SNAP91: variants seen among roughly 807,000 people sequenced by gnomAD.
SNAP91 encodes synaptosome associated protein 91.
SNAP91 carries 27 observed loss-of-function variants against 100.3 expected under a neutral mutation model. The observed-to-expected ratio is 0.27, with a 90% CI of 0.20 to 0.37. SNAP91 has a LOEUF of 0.37. Ranked by LOEUF, SNAP91 falls within the 10% of genes least tolerant of loss-of-function variation. The pLI is 1.00. For missense variants in SNAP91, 986 were observed against 1,123.7 expected (o/e 0.88, Z 1.75); for synonymous variants, 404 against 398.6 (o/e 1.01, Z -0.16).
chr6:83,679,683 C>T (rs1434106703), intron 2 of SNAP91, among the ~76,000 whole-genome samples: 1 of 152,152 alleles, frequency 6.6e-6, no homozygotes, highest in Admixed American at 6.6e-5. Context: ...GAGGAAAGAT[C>T]TTTCTGACAC....
intron 2 of SNAP91, among the ~76,000 whole-genome samples, chr6:83,673,774 C>A (rs190383235): frequency 1.1e-3 from 174 of 152,334 alleles, no homozygotes; most frequent in African/African-American, 4.0e-3. Flanking sequence ...CCCTTCTCTG[C>A]CCATCAGAAA....
intron 26 of SNAP91, among the ~76,000 whole-genome samples, chr6:83,562,500 A>G (rs756739292): frequency 6.6e-6 from 1 of 152,208 alleles, no homozygotes; most frequent in Non-Finnish European, 1.5e-5. Context: ...TAATTTTCTC[A>G]TATCAGAAGC....
At position 83,573,622 on chromosome 6, in the gene SNAP91, G is replaced by A. The variant is rs564647864; in HGVS notation, c.2442+1388C>T. 9.6e-4 allele frequency among the ~76,000 whole-genome samples: 146 copies of A among 151,910 alleles called. 1 individual carries two copies. The highest frequency in any genetic ancestry group is 2.0e-3 in the African/African-American group (82 of 41,520). On this transcript the variant is annotated intron_variant, in intron 26 of 29. Transcript: ENST00000369694. ...AACAGAGATATAGACCAATGGAACA[G>A]AACAGAGCCCTCAGAACTAATGCCA...
intron 2 of SNAP91, among the ~76,000 whole-genome samples, chr6:83,682,723 T>C (rs1227957530): frequency 4.7e-5 from 7 of 148,560 alleles, no homozygotes; most frequent in African/African-American, 1.7e-4. Flanking sequence ...CCTAATGGTA[T>C]CCCTCCGCCC....
chr6:83,602,674 G>A (rs1400514728), intron 14 of SNAP91, among the ~76,000 whole-genome samples: 1 of 151,968 alleles, frequency 6.6e-6, no homozygotes, highest in Non-Finnish European at 1.5e-5. Context: ...ATTTTGCTTA[G>A]AAATTAGAGA....
chr6:83,676,236 A>G (rs2098892441), intron 2 of SNAP91, among the ~76,000 whole-genome samples: 1 of 152,190 alleles, frequency 6.6e-6, no homozygotes. Flanking sequence ...AATAGCAGTG[A>G]ACAAAACAGA....
Position 83,593,000 on chromosome 6 carries a change from G to A in SNAP91, c.1792C>T (p.Pro598Ser). Residue 598 changes from proline to serine, a missense_variant, in exon 20 of 30, where the codon CCA becomes TCA. Pro to Ser is a moderately conservative substitution (Grantham distance 74, BLOSUM62 -1). Around this residue, in one of 4 missense-constraint regions of SNAP91, gnomAD observed 575 missense variants for 579.9 expected, o/e 0.99. Transcript: ENST00000369694. ...TCAGGCACAGGAGAGGCCCCTTGTG[G>A]TGGAGAGGAGAAAGCATCTTCCAAA... ...LFSTDAFSSP[P>S]QGASPVPESS... 6.3e-7 allele frequency: 1 copy of A among 1,583,332 alleles called. No homozygotes were observed. Among genetic ancestry groups the A allele is most frequent in the South Asian group, 1.2e-5 (1 of 86,074 alleles).
chr6:83,640,476 C>T (rs898233343), intron 8 of SNAP91, among the ~76,000 whole-genome samples: 4 of 151,998 alleles, frequency 2.6e-5, no homozygotes, highest in Non-Finnish European at 4.4e-5. Flanking sequence ...TTATAATTTC[C>T]AATATCAGCA....
chr6:83,561,390 T>C (rs761834095), intron 26 of SNAP91, among the ~76,000 whole-genome samples: 53 of 152,340 alleles, frequency 3.5e-4, no homozygotes, highest in Admixed American at 8.5e-4. Flanking sequence ...AGTGAATGCA[T>C]GCCAAATATG....
intron 9 of SNAP91, among the ~76,000 whole-genome samples, chr6:83,618,027 C>G (rs1054697473): frequency 2.6e-5 from 4 of 151,812 alleles, no homozygotes; most frequent in Non-Finnish European, 4.4e-5. Flanking sequence ...TAAAGGAACT[C>G]ACAGAATTCA....
rs372039519 is a variant in SNAP91 at position 83,591,312 on chromosome 6, T to C, written c.1931-18A>G. On this transcript the variant is annotated intron_variant, in intron 21 of 29. Coordinates refer to ENST00000369694, the MANE Select transcript of SNAP91 (RefSeq NM_001242792.2). ...AAATGCATCTATCCGTTATCCATTGTGCAGCGGAAAAGTAAGAAAGTGTAA... is the reference window on the plus strand; with the variant it reads ...AAATGCATCTATCCGTTATCCATTGCGCAGCGGAAAAGTAAGAAAGTGTAA... The C allele has an allele frequency of 2.2e-5, 34 of 1,566,770 alleles. No individual in the cohort carries two copies. In the African/African-American group the frequency reaches 4.0e-4, roughly 19 times the overall value.
chr6:83,566,328 GT>G (rs1420225908), intron 26 of SNAP91, among the ~76,000 whole-genome samples: 1 of 152,054 alleles, frequency 6.6e-6, no homozygotes, highest in Non-Finnish European at 1.5e-5. Flanking sequence ...ACTTTAAGTT[GT>G]TAAAATAGTG....
intron 2 of SNAP91, among the ~76,000 whole-genome samples, chr6:83,701,043 C>T (rs2099295371): frequency 6.6e-6 from 1 of 152,106 alleles, no homozygotes; most frequent in African/African-American, 2.4e-5. Context: ...CATTCAAAGA[C>T]ATAGAATATT....
chr6:83,609,604 A>G (rs1329265607), intron 12 of SNAP91, among the ~76,000 whole-genome samples: 1 of 152,226 alleles, frequency 6.6e-6, no homozygotes, highest in Non-Finnish European at 1.5e-5. Flanking sequence ...CACATCTATT[A>G]CATTTTTGTC....
intron 7 of SNAP91, among the ~76,000 whole-genome samples, chr6:83,649,873 G>A (rs2098123108): frequency 6.6e-6 from 1 of 152,098 alleles, no homozygotes; most frequent in Admixed American, 6.5e-5. Context: ...ACAGGCGTGA[G>A]CCACCACGCC....
chr6:83,647,328 T>A (rs79856320), intron 7 of SNAP91, among the ~76,000 whole-genome samples: 5 of 152,286 alleles, frequency 3.3e-5, no homozygotes, highest in African/African-American at 1.2e-4. Flanking sequence ...AGCTATTAAG[T>A]TTTTTGTACA....
At chr6:83,611,696 ATCTT>A (rs1375778215) in intron 11 of SNAP91, among the ~76,000 whole-genome samples, 20 of 151,234 alleles carry the variant, frequency 1.3e-4, no homozygotes, top group African/African-American at 3.6e-4. Context: ...CCAAGTTAAT[ATCTT>A]TCTTTTTTTT....
chr6:83,657,454 T>C (rs1044838811), intron 6 of SNAP91, among the ~76,000 whole-genome samples: 1 of 152,020 alleles, frequency 6.6e-6, no homozygotes, highest in Non-Finnish European at 1.5e-5. Flanking sequence ...TCAAGGAAAG[T>C]AAAGAAAAAT....
chr6:83,674,890 A>G (rs2098839235), intron 2 of SNAP91, among the ~76,000 whole-genome samples: 2 of 152,200 alleles, frequency 1.3e-5, no homozygotes, highest in African/African-American at 4.8e-5. Context: ...GAATCTAAAG[A>G]GGATATTGGA....
Sources: allele counts gnomAD v4.1 joint callset (sites outside exome capture counted in the v4.1 genomes callset), GRCh38; gene constraint gnomAD v4.1.1; regional missense constraint gnomAD v4.1.1; transcripts MANE v1.5; gene names NCBI Gene and HGNC (gene_info 2026-07-23, HGNC 2026-07-21).